Variants in PIK3CB observed in about 807,000 individuals in gnomAD.
The protein encoded by PIK3CB is phosphatidylinositol-4,5-bisphosphate 3-kinase catalytic subunit beta.
PIK3CB carries 39 observed loss-of-function variants against 136.8 expected under a neutral mutation model. The ratio of observed to expected loss-of-function variants is 0.29; its 90% CI spans 0.22 to 0.37. The LOEUF (loss-of-function observed/expected upper bound fraction) is 0.37. Ranked by LOEUF, PIK3CB falls within the 10% of genes least tolerant of loss-of-function variation. The pLI, the probability that PIK3CB is intolerant of heterozygous loss-of-function variation, is 1.00. For synonymous variants in PIK3CB, 428 were observed against 436.6 expected (o/e 0.98, Z 0.25); for missense variants, 868 against 1,275.4 (o/e 0.68, Z 4.87).
At chr3:138,724,883 T>C (rs1273844408) in intron 8 of PIK3CB, among the ~76,000 whole-genome samples, 2 of 152,190 alleles carry the variant, frequency 1.3e-5, no homozygotes, top group Non-Finnish European at 2.9e-5. Context: ...AGAAGAATAC[T>C]ACATGACCTT....
intron 4 of PIK3CB, among the ~76,000 whole-genome samples, chr3:138,755,407 C>T (rs1355737787): frequency 6.6e-6 from 1 of 152,066 alleles, no homozygotes; most frequent in Non-Finnish European, 1.5e-5. Context: ...TTTGGGGGGC[C>T]AAGGTAGGAG....
At chr3:138,788,848 C>T (rs1312168740) in intron 2 of PIK3CB, among the ~76,000 whole-genome samples, 1 of 150,770 alleles carries the variant, frequency 6.6e-6, no homozygotes, top group Non-Finnish European at 1.5e-5. Context: ...CCTGTAATCC[C>T]AGCTACTAGG....
chr3:138,716,634 G>A lies in PIK3CB; in HGVS notation c.1051-1915C>T, dbSNP rs142348503. Among the ~76,000 whole-genome samples, 1,322 of 152,100 alleles carry A rather than the reference G, an allele frequency of 8.7e-3. 27 individuals carry two copies. Among genetic ancestry groups the A allele is most frequent in the African/African-American group, 0.029 (1,186 of 41,500 alleles). On this transcript the variant is annotated intron_variant, in intron 8 of 23. Coordinates refer to ENST00000674063, the MANE Select transcript of PIK3CB (RefSeq NM_006219.3). ...AGCACAGCCAGGTGCAGTGTCTCACGCCTGTAATCCCAGCATTTTGGGAGG... is the reference window on the plus strand; with the variant it reads ...AGCACAGCCAGGTGCAGTGTCTCACACCTGTAATCCCAGCATTTTGGGAGG...
At chr3:138,810,789 A>G (rs1576426686) in intron 1 of PIK3CB, among the ~76,000 whole-genome samples, 1 of 151,790 alleles carries the variant, frequency 6.6e-6, no homozygotes, top group South Asian at 2.1e-4. Context: ...GCATGGTGGC[A>G]GGCGCCTGTA....
At chr3:138,701,011 T>C (rs778055375) in intron 12 of PIK3CB, among the ~76,000 whole-genome samples, 37 of 152,218 alleles carry the variant, frequency 2.4e-4, no homozygotes, top group Non-Finnish European at 4.3e-4. Flanking sequence ...GGATAACAGT[T>C]AACTTCCAGA....
At chr3:138,773,139 G>A (rs1195710873) in intron 2 of PIK3CB, among the ~76,000 whole-genome samples, 4 of 151,724 alleles carry the variant, frequency 2.6e-5, no homozygotes, top group Non-Finnish European at 4.4e-5. Flanking sequence ...GGTGGCTCAC[G>A]CCTGTAATCC....
intron 2 of PIK3CB, among the ~76,000 whole-genome samples, chr3:138,783,553 G>T (rs934259887): frequency 5.3e-5 from 8 of 152,110 alleles, no homozygotes; most frequent in African/African-American, 1.9e-4. Context: ...AAAGTGCTGG[G>T]AATAGAGGCA....
intron 2 of PIK3CB, among the ~76,000 whole-genome samples, chr3:138,767,354 C>T (rs1431478546): frequency 6.6e-6 from 1 of 152,190 alleles, no homozygotes; most frequent in East Asian, 1.9e-4. Context: ...ACTGTGCCAA[C>T]AAGAACAAAA....
At chr3:138,658,529 T>G (rs972788958) in intron 21 of PIK3CB, among the ~76,000 whole-genome samples, 1 of 152,182 alleles carries the variant, frequency 6.6e-6, no homozygotes, top group Non-Finnish European at 1.5e-5. Context: ...AGAGGTAACT[T>G]CTTACTCTTC....
chr3:138,703,564 G>GTAGATA (rs939168037), intron 12 of PIK3CB, among the ~76,000 whole-genome samples: 2 of 150,114 alleles, frequency 1.3e-5, no homozygotes, highest in Non-Finnish European at 2.9e-5. Flanking sequence ...ATATATATAT[G>GTAGATA]TAGATATAGA....
chr3:138,756,431 A>G (rs533929333), intron 3 of PIK3CB, among the ~76,000 whole-genome samples: 2 of 152,276 alleles, frequency 1.3e-5, no homozygotes, highest in East Asian at 3.9e-4. Flanking sequence ...AATCAAAAAA[A>G]AATTTTAATT....
chr3:138,666,250 G>A (rs1242252661), intron 19 of PIK3CB, among the ~76,000 whole-genome samples: 2 of 151,962 alleles, frequency 1.3e-5, no homozygotes, highest in African/African-American at 4.8e-5. Context: ...GCTCACCATA[G>A]CGTCAAATCC....
intron 8 of PIK3CB, among the ~76,000 whole-genome samples, chr3:138,719,535 G>A (rs1027779424): frequency 2.0e-5 from 3 of 152,016 alleles, no homozygotes; most frequent in South Asian, 2.1e-4. Flanking sequence ...CCGGTCTAGC[G>A]TGGTATTTTA....
rs577928705 is a variant in PIK3CB, at chr3:138,741,327, T to A, written c.621+1231A>T. On this transcript the variant is annotated intron_variant, in intron 5 of 23. Transcript: ENST00000674063. ...AACACTAAACTTGTCTTCCTTTCAG[T>A]CTCTTCACTGTAAGATGGGGGAAAG... Among the ~76,000 whole-genome samples the A allele has an allele frequency of 7.9e-5, 12 of 152,314 alleles. No individual in the cohort carries two copies. The South Asian group carries it at 2.1e-3, about 26-fold the overall frequency.
Position 138,654,112 on chromosome 3 carries a change from T to C in PIK3CB, c.*1277A>G, listed in dbSNP as rs1044532547. On this transcript the variant is annotated 3_prime_UTR_variant, in exon 24 of 24. Coordinates refer to ENST00000674063, the MANE Select transcript of PIK3CB (RefSeq NM_006219.3). ...TAAACATTCTTTAATAAAATTCCTATAGAAAGCTCAGTCATAGGGCAAATA... is the reference window on the plus strand; with the variant it reads ...TAAACATTCTTTAATAAAATTCCTACAGAAAGCTCAGTCATAGGGCAAATA... The C allele has an allele frequency of 2.0e-5, 4 of 199,530 alleles. No homozygotes were observed. In the South Asian group the frequency reaches 5.7e-4, roughly 29 times the overall value. 12.4% of individuals were successfully genotyped at this position (199,530 alleles called of 1,614,324 possible). A position where few individuals can be genotyped will look rare whatever the true frequency, so the allele number is the denominator to read the frequency against.
At position 138,834,855 on chromosome 3, in the gene PIK3CB, T is replaced by G. The variant is rs1472370139; in HGVS notation, c.-282A>C. 1 of 151,906 alleles carries G rather than the reference T, an allele frequency of 6.6e-6. No individual in the cohort carries two copies. Among genetic ancestry groups the G allele is most frequent in the Admixed American group, 6.6e-5 (1 of 15,152 alleles). 9.4% of individuals were successfully genotyped at this position (151,906 alleles called of 1,614,324 possible). A position where few individuals can be genotyped will look rare whatever the true frequency, so the allele number is the denominator to read the frequency against. The stretch of plus-strand genomic sequence containing the variant: ...TACACTCGCCCCCTCCCCACTGCCA[T>G]GGCCCGCTCCGCCGCAGCGCCGCAC... On this transcript the variant is annotated 5_prime_UTR_variant, in exon 1 of 24. It removes an upstream start codon present in the reference 5' UTR. Coordinates refer to ENST00000674063, the MANE Select transcript of PIK3CB (RefSeq NM_006219.3).
intron 16 of PIK3CB, among the ~76,000 whole-genome samples, chr3:138,688,403 A>C (rs1412117233): frequency 6.8e-6 from 1 of 148,060 alleles, no homozygotes; most frequent in Non-Finnish European, 1.5e-5. Context: ...CGGGAGGCTG[A>C]GGCAGGAGAA....
At chr3:138,741,366 T>A (rs1412727694) in intron 5 of PIK3CB, among the ~76,000 whole-genome samples, 3 of 152,144 alleles carry the variant, frequency 2.0e-5, no homozygotes, top group African/African-American at 7.2e-5. Context: ...ACAACGCTTG[T>A]AAGGTTGGTG....
At chr3:138,750,999 T>C (rs2045460108) in intron 4 of PIK3CB, among the ~76,000 whole-genome samples, 1 of 152,182 alleles carries the variant, frequency 6.6e-6, no homozygotes. Flanking sequence ...GTAATGTTTT[T>C]CAATATATTA....
Sources: allele counts gnomAD v4.1 joint callset (sites outside exome capture counted in the v4.1 genomes callset), GRCh38; gene constraint gnomAD v4.1.1; transcripts MANE v1.5; gene names NCBI Gene and HGNC (gene_info 2026-07-23, HGNC 2026-07-21).